The following DHX35 variants were observed in gnomAD, a reference collection of about 807,000 sequenced individuals.
The protein encoded by DHX35 is probable ATP-dependent RNA helicase DHX35.
Under a neutral mutation model 99.6 loss-of-function variants are expected in DHX35, and 84 were observed. The observed-to-expected ratio is 0.84, with a 90% CI of 0.71 to 1.01. The LOEUF (loss-of-function observed/expected upper bound fraction) is 1.01, where lower values mean the gene tolerates loss of function less well. Among genes scored for constraint, DHX35 ranks in the 50% least tolerant of loss-of-function variants. The pLI is 0.00. For synonymous variants in DHX35, 331 were observed against 316.2 expected (o/e 1.05, Z -0.50); for missense variants, 852 against 888.5 (o/e 0.96, Z 0.52).
At chr20:39,016,991 G>A (rs980382250) in intron 14 of DHX35, among the ~76,000 whole-genome samples, 5 of 148,842 alleles carry the variant, frequency 3.4e-5, no homozygotes, top group Admixed American at 6.8e-5. Flanking sequence ...TTACTTACAT[G>A]TACTTACTTT....
chr20:39,001,276 A>G (rs1040777674), intron 8 of DHX35, among the ~76,000 whole-genome samples: 4 of 152,182 alleles, frequency 2.6e-5, no homozygotes, highest in African/African-American at 9.7e-5. Context: ...AAACACACCT[A>G]CTGTTCACAG....
chr20:38,983,912 T>A, intron 4 of DHX35, 136 bp downstream of exon 4: 2 of 746,638 alleles, frequency 2.7e-6, no homozygotes, highest in Non-Finnish European at 4.3e-6. Context: ...GTTTTTTTTA[T>A]TTTTATTTTT....
At chr20:39,018,181 G>A (rs1251829139) in intron 14 of DHX35, among the ~76,000 whole-genome samples, 1 of 152,110 alleles carries the variant, frequency 6.6e-6, no homozygotes, top group African/African-American at 2.4e-5. Context: ...TGGGAACACA[G>A]CCAAACCATA....
intron 3 of DHX35, among the ~76,000 whole-genome samples, chr20:38,976,061 G>A (rs2086070775): frequency 1.3e-5 from 2 of 152,228 alleles, no homozygotes; most frequent in South Asian, 4.1e-4. Context: ...TCCAGGGAAA[G>A]CTGGTGGGAA....
chr20:39,037,224 G>A (rs1405755130), intron 21 of DHX35, among the ~76,000 whole-genome samples: 1 of 152,198 alleles, frequency 6.6e-6, no homozygotes, highest in Non-Finnish European at 1.5e-5. Flanking sequence ...GACGTGTAGA[G>A]AGAGAATTCA....
intron 4 of DHX35, among the ~76,000 whole-genome samples, chr20:38,985,501 T>C (rs1302814128): frequency 6.6e-6 from 1 of 152,158 alleles, no homozygotes; most frequent in Non-Finnish European, 1.5e-5. Flanking sequence ...GTTTTAATTA[T>C]TGTGTCGTTG....
intron 13 of DHX35, among the ~76,000 whole-genome samples, chr20:39,013,394 A>G (rs2145917643): frequency 6.6e-6 from 1 of 152,364 alleles, no homozygotes; most frequent in South Asian, 2.1e-4. Flanking sequence ...CAATGAAAAC[A>G]GAAAAACATG....
intron 1 of DHX35, 148 bp downstream of exon 1, chr20:38,962,555 C>A: frequency 1.0e-6 from 1 of 966,346 alleles, no homozygotes; most frequent in Non-Finnish European, 1.5e-6. Context: ...GGAGCTCTGG[C>A]TCAGGCTCCC....
chr20:38,992,636 G>A (rs1052462391), intron 7 of DHX35, among the ~76,000 whole-genome samples: 2 of 152,074 alleles, frequency 1.3e-5, no homozygotes, highest in Non-Finnish European at 2.9e-5. Context: ...GAGTGAGTGT[G>A]TGTGTACTTG....
chr20:39,010,450 C>T (rs2086684931), intron 13 of DHX35, 46 bp downstream of exon 13: 2 of 1,606,970 alleles, frequency 1.2e-6, no homozygotes, highest in South Asian at 2.2e-5. Context: ...CTAGGGAGCT[C>T]ACAGGGGGAT....
At chr20:38,983,635 C>G (rs910048536) in intron 3 of DHX35, 64 bp from the exon 4 acceptor site, 1 of 1,365,536 alleles carries the variant, frequency 7.3e-7, no homozygotes, top group Non-Finnish European at 1.0e-6. Context: ...ACGGGAGCAT[C>G]TTGGGGGAGA....
chr20:38,985,374 C>CAAAA lies in DHX35; in HGVS notation c.345+1616_345+1619dup, dbSNP rs58084339. On this transcript the variant is annotated intron_variant, in intron 4 of 21. Transcript: ENST00000252011. Reference sequence around the variant, plus strand: ...TGTACTCCAACCTTTACCCTATCTCCAAAAAAAAAAAAAAAAAAAAAGGCT... The same window carrying CAAAA: ...TGTACTCCAACCTTTACCCTATCTCCAAAAAAAAAAAAAAAAAAAAAAAAAGGCT... Among the ~76,000 whole-genome samples the CAAAA allele has an allele frequency of 4.4e-3, 327 of 73,888 alleles. 1 individual carries two copies. Among genetic ancestry groups the CAAAA allele is most frequent in the Non-Finnish European group, 8.3e-3 (280 of 33,754 alleles). 48.5% of individuals were successfully genotyped at this position (73,888 alleles called of 152,430 possible). A position where few individuals can be genotyped will look rare whatever the true frequency, so the allele number is the denominator to read the frequency against.
chr20:39,022,436 G>A (rs529381840), intron 16 of DHX35, among the ~76,000 whole-genome samples: 116 of 152,302 alleles, frequency 7.6e-4, no homozygotes, highest in Admixed American at 2.5e-3. Flanking sequence ...TATTACAAGC[G>A]TGAGCCACCG....
chr20:39,014,901 G>A lies in DHX35; in HGVS notation c.1369G>A (p.Val457Ile). ...FMSPPPAQSM[V>I]QALELLYALG... ...CCAGCCCCCTCCAGCACAGTCGATG[G>A]TTCAAGCCTTGGAGTTACTGTATGC... The change falls in exon 14 of 22, where the codon GTT becomes ATT. Residue 457 changes from valine (V) to isoleucine (I), a missense_variant. Coordinates refer to ENST00000252011, the MANE Select transcript of DHX35 (RefSeq NM_021931.4). 6.2e-7 allele frequency: 1 copy of A among 1,614,136 alleles called. No individual in the cohort carries two copies. The highest frequency in any genetic ancestry group is 8.5e-7 in the Non-Finnish European group (1 of 1,180,014).
intron 18 of DHX35, among the ~76,000 whole-genome samples, chr20:39,026,976 A>G (rs964929969): frequency 5.9e-5 from 9 of 152,138 alleles, no homozygotes; most frequent in Admixed American, 1.3e-4. Context: ...TTTAAATTCT[A>G]CCCAGCCTGA....
intron 1 of DHX35, chr20:38,962,959 G>A (rs1672648404): frequency 6.5e-6 from 1 of 153,096 alleles, no homozygotes. Flanking sequence ...AGCAGAACGC[G>A]TTGTCAGACT....
At chr20:38,965,736 A>G (rs1279533383) in intron 1 of DHX35, among the ~76,000 whole-genome samples, 1 of 152,182 alleles carries the variant, frequency 6.6e-6, no homozygotes, top group African/African-American at 2.4e-5. Flanking sequence ...TAAGATACCC[A>G]TTTGTGGTGT....
chr20:38,993,408 G>A (rs1380959342), intron 7 of DHX35, among the ~76,000 whole-genome samples: 1 of 152,134 alleles, frequency 6.6e-6, no homozygotes, highest in African/African-American at 2.4e-5. Context: ...TGCCCAGGCG[G>A]GAATACAATG....
At position 38,991,491 on chromosome 20, in the gene DHX35, T is replaced by C. The variant is rs2086336859; in HGVS notation, c.488T>C (p.Val163Ala). 6.2e-7 allele frequency: 1 copy of C among 1,613,692 alleles called. No homozygotes were observed. Among genetic ancestry groups the C allele is most frequent in the Non-Finnish European group, 8.5e-7 (1 of 1,179,898 alleles). Residue 163 changes from valine (V) to alanine (A), a missense_variant, in exon 6 of 22, where the codon GTT (valine) becomes GCT (alanine). Val to Ala is a moderately conservative substitution (Grantham distance 64). Coordinates refer to ENST00000252011, the MANE Select transcript of DHX35 (RefSeq NM_021931.4). ...GGAATGCTGGTCAGGGAAATGATGG[T>C]TGATCCGTTGTTAACAAAATATAGG... is the stretch of plus-strand genomic sequence containing the variant. ...TDGMLVREMM[V>A]DPLLTKYSVI...
Sources: allele counts gnomAD v4.1 joint callset (sites outside exome capture counted in the v4.1 genomes callset), GRCh38; gene constraint gnomAD v4.1.1; transcripts MANE v1.5; gene names NCBI Gene and HGNC (gene_info 2026-07-23, HGNC 2026-07-21).